CLEC17A: variants seen among roughly 807,000 people sequenced by gnomAD.
CLEC17A encodes the protein C-type lectin domain containing 17A.
A neutral mutation model predicts 61.3 loss-of-function variants in CLEC17A; 37 were observed. The observed-to-expected ratio is 0.60, with a 90% CI of 0.46 to 0.79. CLEC17A has a LOEUF of 0.79. CLEC17A is among the 30% of genes least tolerant of loss of function. The pLI is 0.00. For synonymous variants in CLEC17A, 168 were observed against 164.9 expected (o/e 1.02, Z -0.14); for missense variants, 418 against 464.7 (o/e 0.90, Z 0.92).
At chr19:14,604,631 C>T (rs546707716) in intron 12 of CLEC17A, among the ~76,000 whole-genome samples, 9 of 152,004 alleles carry the variant, frequency 5.9e-5, no homozygotes, top group East Asian at 3.9e-4. Context: ...GGCATGGTGG[C>T]GCGTGGCTGT....
rs1229594941 is a variant in CLEC17A at position 14,594,761 on chromosome 19, C to T, written c.364C>T (p.Leu122=). ...AATGACTTTCTCATCTCTTCTAGGC[C>T]TGGACCTCGCCGCTGTCACCTGTCC... The part of the protein sequence containing the change: ...LPCKPRNMTG[L]DLAAVTCPPP... Residue 122 remains leucine (L), a splice_region_variant and synonymous_variant, in exon 7 of 14, where the codon CTG becomes TTG. Coordinates refer to ENST00000417570, the MANE Select transcript of CLEC17A (RefSeq NM_001204118.2). 3 of 1,613,872 alleles carry T rather than the reference C, an allele frequency of 1.9e-6. No individual in the cohort carries two copies. The African/African-American group carries it at 4.0e-5, about 22-fold the overall frequency.
rs1345270005 is a variant in CLEC17A, at chr19:14,610,119, A to C, written c.1060A>C (p.Asn354His). ...CCACGATGAGGACTGTGCTACCATG[A>C]ACAAAGGTGGCACCTGGAATGATCT... ...NIHDEDCATMNKGGTWNDLSC... is the reference protein window; with the variant it reads ...NIHDEDCATMHKGGTWNDLSC... Residue 354 changes from asparagine (N) to histidine (H), a missense_variant, in exon 14 of 14, where the codon AAC becomes CAC. Coordinates refer to ENST00000417570, the MANE Select transcript of CLEC17A (RefSeq NM_001204118.2). The C allele has an allele frequency of 2.5e-6, 4 of 1,611,642 alleles. No homozygotes were observed. In the East Asian group the frequency reaches 8.9e-5, roughly 36 times the overall value.
rs1410683975 is a variant in CLEC17A at position 14,610,438 on chromosome 19, T to C, written c.*242T>C. 4.5e-5 allele frequency: 24 copies of C among 533,518 alleles called. 1 individual carries two copies. In the East Asian group the frequency reaches 6.8e-4, roughly 15 times the overall value. 33.0% of individuals were successfully genotyped at this position (533,518 alleles called of 1,614,324 possible). ...ATGCTCAGAGCTTGGTGGTGGGAGGTCTCCCACTTCTGGGGTTGAAAGGAT... is the reference window on the plus strand; with the variant it reads ...ATGCTCAGAGCTTGGTGGTGGGAGGCCTCCCACTTCTGGGGTTGAAAGGAT... On this transcript the variant is annotated 3_prime_UTR_variant, in exon 14 of 14. Coordinates refer to ENST00000417570, the MANE Select transcript of CLEC17A (RefSeq NM_001204118.2).
At chr19:14,591,165 T>TC (rs1358194966) in intron 3 of CLEC17A, among the ~76,000 whole-genome samples, 1 of 151,750 alleles carries the variant, frequency 6.6e-6, no homozygotes, top group Non-Finnish European at 1.5e-5. Context: ...TCTTCTTTTT[T>TC]TTTTTTTGAG....
chr19:14,599,079 C>CTTT (rs796835309), intron 10 of CLEC17A, among the ~76,000 whole-genome samples: 3,621 of 56,924 alleles, frequency 0.064, 1,014 homozygotes, highest in Non-Finnish European at 0.078. Context: ...TGTATCTTTG[C>CTTT]TTTTTTTTTT....
At chr19:14,595,368 C>G in intron 8 of CLEC17A, 53 bp downstream of exon 8, 25 of 1,591,746 alleles carry the variant, frequency 1.6e-5, no homozygotes, top group Non-Finnish European at 2.1e-5. Context: ...CTGATTGAGA[C>G]CTATGGCTCT....
intron 13 of CLEC17A, 23 bp downstream of exon 13, chr19:14,607,125 G>T: frequency 1.7e-6 from 2 of 1,173,142 alleles, no homozygotes; most frequent in South Asian, 2.9e-5. Flanking sequence ...GTTTCCTGGG[G>T]TCTCTCTGCT....
chr19:14,598,304 T>TTCTCTC lies in CLEC17A; in HGVS notation c.646+1160_646+1165dup, dbSNP rs111468753. 1.0e-3 allele frequency among the ~76,000 whole-genome samples: 153 copies of TTCTCTC among 149,216 alleles called. 2 individuals are homozygous for TTCTCTC. The highest frequency in any genetic ancestry group is 3.4e-3 in the Middle Eastern group (1 of 294). ...TTTCTTTCGTTTGTTTGTTCTTTCT[T>TTCTCTC]TCTCTCTCTCTCTCTCTCTCTCACT... On this transcript the variant is annotated intron_variant, in intron 10 of 13. Coordinates refer to ENST00000417570, the MANE Select transcript of CLEC17A (RefSeq NM_001204118.2).
At chr19:14,595,179 T>C (rs2074514088) in intron 7 of CLEC17A, 95 bp from the exon 8 acceptor site, 2 of 1,452,636 alleles carry the variant, frequency 1.4e-6, no homozygotes, top group Admixed American at 3.5e-5. Flanking sequence ...GCCAGCCCCC[T>C]AAATTCTGAC....
intron 2 of CLEC17A, among the ~76,000 whole-genome samples, chr19:14,587,263 T>TGTGTGTGTGTGTGTGTGTGTGTG (rs71733825): frequency 7.3e-6 from 1 of 136,542 alleles, no homozygotes; most frequent in African/African-American, 2.9e-5. Flanking sequence ...GTGTGTGTGT[T>TGTGTGTGTGTGTGTGTGTGTGTG]TGTGTTTGTG....
chr19:14,606,955 T>C (rs1344771809), intron 12 of CLEC17A, 38 bp from the exon 13 acceptor site: 3 of 1,118,940 alleles, frequency 2.7e-6, no homozygotes, highest in Admixed American at 7.7e-5. Flanking sequence ...GAGGGTCATG[T>C]AGAGGAATGG....
intron 2 of CLEC17A, among the ~76,000 whole-genome samples, chr19:14,585,577 G>A (rs1049263517): frequency 5.3e-5 from 8 of 151,028 alleles, no homozygotes; most frequent in African/African-American, 2.0e-4. Context: ...TAGGAGCATG[G>A]TGGCTTCTAT....
At chr19:14,593,333 C>CAAAAAAAAAA (rs57379897) in intron 4 of CLEC17A, among the ~76,000 whole-genome samples, 1 of 85,796 alleles carries the variant, frequency 1.2e-5, no homozygotes. Flanking sequence ...CCATCTCTAC[C>CAAAAAAAAAA]AAAAAAAAAA....
intron 2 of CLEC17A, among the ~76,000 whole-genome samples, chr19:14,583,826 G>C (rs947523161): frequency 6.6e-6 from 1 of 151,994 alleles, no homozygotes; most frequent in Non-Finnish European, 1.5e-5. Flanking sequence ...GTGGACTGTG[G>C]GCTCCCAGTC....
chr19:14,606,899 C>G, intron 12 of CLEC17A, 94 bp from the exon 13 acceptor site: 1 of 514,368 alleles, frequency 1.9e-6, no homozygotes, highest in Non-Finnish European at 3.0e-6. Flanking sequence ...GTGACGTTCC[C>G]AAGCCCTAAA....
At chr19:14,598,890 G>T (rs1030724544) in intron 10 of CLEC17A, among the ~76,000 whole-genome samples, 2 of 151,998 alleles carry the variant, frequency 1.3e-5, no homozygotes, top group Non-Finnish European at 2.9e-5. Flanking sequence ...AGCCCAGGAG[G>T]TTGAAGCTGC....
intron 2 of CLEC17A, among the ~76,000 whole-genome samples, chr19:14,587,056 T>C (rs990025186): frequency 1.3e-5 from 2 of 151,532 alleles, no homozygotes; most frequent in African/African-American, 4.9e-5. Context: ...GCCCGGCTAG[T>C]TTTTGTATTT....
chr19:14,586,493 G>T (rs2074284234), intron 2 of CLEC17A, among the ~76,000 whole-genome samples: 1 of 151,874 alleles, frequency 6.6e-6, no homozygotes, highest in Non-Finnish European at 1.5e-5. Context: ...TGCAATCATG[G>T]CTCACTGCTG....
At chr19:14,586,419 C>T (rs1174509209) in intron 2 of CLEC17A, among the ~76,000 whole-genome samples, 3 of 151,990 alleles carry the variant, frequency 2.0e-5, no homozygotes, top group African/African-American at 7.3e-5. Context: ...CCACCACGCC[C>T]AGCCTCTTTT....
Sources: allele counts gnomAD v4.1 joint callset (sites outside exome capture counted in the v4.1 genomes callset), GRCh38; gene constraint gnomAD v4.1.1; transcripts MANE v1.5; gene names NCBI Gene and HGNC (gene_info 2026-07-23, HGNC 2026-07-21).